The following STX11 variants were observed in gnomAD, a reference collection of about 807,000 sequenced individuals.
STX11 encodes syntaxin-11.
A neutral mutation model predicts 19.9 loss-of-function variants in STX11; 21 were observed. The observed-to-expected ratio is 1.06, with a 90% CI of 0.75 to 1.52. STX11 has a LOEUF of 1.52. Among genes scored for constraint, STX11 ranks in the 40% most tolerant of loss-of-function variants. The pLI, the probability that STX11 is intolerant of heterozygous loss-of-function variation, is 0.00. For missense variants in STX11, 438 were observed against 405.9 expected, an observed-to-expected ratio of 1.08 and a Z score of -0.68; for synonymous variants, 193 against 174.4, an observed-to-expected ratio of 1.11 and a Z score of -0.84.
rs1801979732 is a variant in STX11, at chr6:144,184,434, C to G, written c.-5-2189C>G. 2.0e-5 allele frequency among the ~76,000 whole-genome samples: 3 copies of G among 152,172 alleles called. No homozygotes were observed. Among genetic ancestry groups the G allele is most frequent in the Non-Finnish European group, 4.4e-5 (3 of 68,024 alleles). On this transcript the variant is annotated intron_variant, in intron 1 of 1. Transcript: ENST00000367568. The surrounding 1 kb of genome is among the most constrained non-coding windows in gnomAD (Gnocchi z 6.5). ...GAATTACCAGTATGTTTTGAGAGTT[C>G]CCAGAATCCTTACCCATTTGAAAAA...
At chr6:144,185,746 C>A (rs1802012638) in intron 1 of STX11, among the ~76,000 whole-genome samples, 1 of 152,190 alleles carries the variant, frequency 6.6e-6, no homozygotes, top group African/African-American at 2.4e-5. Context: ...CGATGCTTAT[C>A]ATTAGGGAAT....
At chr6:144,185,435 GAT>G (rs1475201534) in intron 1 of STX11, among the ~76,000 whole-genome samples, 1 of 152,170 alleles carries the variant, frequency 6.6e-6, no homozygotes, top group Non-Finnish European at 1.5e-5. Flanking sequence ...ATAAACACAA[GAT>G]ATTCCCTATA....
chr6:144,144,528 A>G, the STX11 span, among the ~76,000 whole-genome samples: 1 of 152,230 alleles, frequency 6.6e-6, no homozygotes, highest in African/African-American at 2.4e-5. Flanking sequence ...AGTGCTGTCC[A>G]ATATAGAAGC....
the STX11 span, among the ~76,000 whole-genome samples, chr6:144,142,415 T>C: frequency 6.6e-6 from 1 of 152,182 alleles, no homozygotes; most frequent in South Asian, 2.1e-4. Flanking sequence ...ATCACATATC[T>C]AGAAGTAATT....
rs1801022971 is a variant in STX11, at chr6:144,152,141, G to C, written c.-6+1438G>C. On this transcript the variant is annotated intron_variant, in intron 1 of 1. Coordinates refer to ENST00000367568, the MANE Select transcript of STX11 (RefSeq NM_003764.4). The surrounding 1 kb of genome is among the most constrained non-coding windows in gnomAD (Gnocchi z 4.9). ...ATATAACTCAATATGCTGGGTCCCA[G>C]TGTATTTAAAGAGTAGACTCAGCAG... 1.3e-5 allele frequency among the ~76,000 whole-genome samples: 2 copies of C among 152,152 alleles called. No homozygotes were observed. Among genetic ancestry groups the C allele is most frequent in the Non-Finnish European group, 2.9e-5 (2 of 68,040 alleles).
the STX11 span, among the ~76,000 whole-genome samples, chr6:144,141,551 T>C: frequency 2.0e-5 from 3 of 152,332 alleles, no homozygotes; most frequent in African/African-American, 4.8e-5. Context: ...TTCTTTTCTT[T>C]TTTTAGTATT....
At position 144,174,374 on chromosome 6, in the gene STX11, AT is replaced by A. The variant is rs988668508; in HGVS notation, c.-5-12245del. ...TTGTAGTAAGAAGATTTTTATTTTT[AT>A]TTTATTTTTATTTTGAGACAGGGTC... On this transcript the variant is annotated intron_variant, in intron 1 of 1. Transcript: ENST00000367568. This position sits in a 1 kb window ranked among gnomAD's most constrained non-coding sequence, Gnocchi z 5.3. Among the ~76,000 whole-genome samples, 3 of 151,962 alleles carry A rather than the reference AT, an allele frequency of 2.0e-5. No homozygotes were observed. Among genetic ancestry groups the A allele is most frequent in the African/African-American group, 7.2e-5 (3 of 41,400 alleles).
In STX11 at chr6:144,159,236, G is replaced by T. The variant is rs1801262951; in HGVS notation, c.-6+8533G>T. ...TGGAGTAAATGGTGCAGACACAACA[G>T]GTACAGCTCCTGACCCTATGAAGCT... On this transcript the variant is annotated intron_variant, in intron 1 of 1. Coordinates refer to ENST00000367568, the MANE Select transcript of STX11 (RefSeq NM_003764.4). This position sits in a 1 kb window ranked among gnomAD's most constrained non-coding sequence, Gnocchi z 4.3. Among the ~76,000 whole-genome samples the T allele has an allele frequency of 1.3e-5, 2 of 152,072 alleles. No homozygotes were observed. The highest frequency in any genetic ancestry group is 4.1e-4 in the South Asian group (2 of 4,822).
rs974090793 is a variant in STX11 at position 144,159,384 on chromosome 6, G to C, written c.-6+8681G>C. ...GAGCTGGAAACCCAGCCTAGTCTAA[G>C]GTCAGAGGAAGTGTCTCATTTTCCT... On this transcript the variant is annotated intron_variant, in intron 1 of 1. Transcript: ENST00000367568. This position sits in a 1 kb window ranked among gnomAD's most constrained non-coding sequence, Gnocchi z 4.3. Among the ~76,000 whole-genome samples, 5 of 152,180 alleles carry C rather than the reference G, an allele frequency of 3.3e-5. No homozygotes were observed. Among genetic ancestry groups the C allele is most frequent in the African/African-American group, 1.2e-4 (5 of 41,436 alleles).
intron 1 of STX11, among the ~76,000 whole-genome samples, chr6:144,161,276 A>G (rs1407260120): frequency 6.6e-6 from 1 of 152,214 alleles, no homozygotes; most frequent in East Asian, 1.9e-4. Flanking sequence ...AAGGAATCAA[A>G]ATTATAATAG....
rs963753178 is a variant in STX11 at position 144,177,342 on chromosome 6, A to G, written c.-5-9281A>G. Among the ~76,000 whole-genome samples the G allele has an allele frequency of 6.6e-6, 1 of 152,222 alleles. No homozygotes were observed. The highest frequency in any genetic ancestry group is 2.4e-5 in the African/African-American group (1 of 41,458). On this transcript the variant is annotated intron_variant, in intron 1 of 1. Coordinates refer to ENST00000367568, the MANE Select transcript of STX11 (RefSeq NM_003764.4). The surrounding 1 kb of genome is among the most constrained non-coding windows in gnomAD (Gnocchi z 4.4). The stretch of plus-strand genomic sequence containing the variant: ...AGGGAAATCAGATGTAAGAGTTACA[A>G]CAACTGTTTTAGTTTGTAAATACTA...
At position 144,155,499 on chromosome 6, in the gene STX11, C is replaced by T. The variant is rs1158718739; in HGVS notation, c.-6+4796C>T. Reference sequence around the variant, plus strand: ...GAAATGAGAGTGACATGAAGCCTCGCAGGGTAATAGAGCCCACATGTCTAC... The same window carrying T: ...GAAATGAGAGTGACATGAAGCCTCGTAGGGTAATAGAGCCCACATGTCTAC... On this transcript the variant is annotated intron_variant, in intron 1 of 1. Transcript: ENST00000367568. The surrounding 1 kb of genome is among the most constrained non-coding windows in gnomAD (Gnocchi z 4.5). Among the ~76,000 whole-genome samples the T allele has an allele frequency of 6.6e-6, 1 of 152,190 alleles. No individual in the cohort carries two copies. The highest frequency in any genetic ancestry group is 2.4e-5 in the African/African-American group (1 of 41,430).
chr6:144,145,365 C>G, the STX11 span, among the ~76,000 whole-genome samples: 1 of 152,108 alleles, frequency 6.6e-6, no homozygotes, highest in African/African-American at 2.4e-5. Context: ...TTCATTGAGG[C>G]AGAAAGTAAA....
intron 1 of STX11, among the ~76,000 whole-genome samples, chr6:144,156,150 C>T (rs546900673): frequency 6.7e-6 from 1 of 150,042 alleles, no homozygotes; most frequent in East Asian, 2.0e-4. Context: ...CCACAACCTC[C>T]ACCTCCCGGG....
rs986054907 is a variant in STX11, at chr6:144,165,764, A to G, written c.-6+15061A>G. Among the ~76,000 whole-genome samples the G allele has an allele frequency of 6.6e-6, 1 of 152,214 alleles. No homozygotes were observed. The highest frequency in any genetic ancestry group is 1.5e-5 in the Non-Finnish European group (1 of 68,036). On this transcript the variant is annotated intron_variant, in intron 1 of 1. Coordinates refer to ENST00000367568, the MANE Select transcript of STX11 (RefSeq NM_003764.4). This position sits in a 1 kb window ranked among gnomAD's most constrained non-coding sequence, Gnocchi z 5.8. ...ACTGATTATGGATGGTAGTAGTTCA[A>G]AATACTAACTCCTAAGACTGTGTTT...
rs1349179633 is a variant in STX11 at position 144,177,507 on chromosome 6, G to C, written c.-5-9116G>C. Among the ~76,000 whole-genome samples the C allele has an allele frequency of 6.6e-6, 1 of 152,226 alleles. No homozygotes were observed. Among genetic ancestry groups the C allele is most frequent in the African/African-American group, 2.4e-5 (1 of 41,448 alleles). On this transcript the variant is annotated intron_variant, in intron 1 of 1. Coordinates refer to ENST00000367568, the MANE Select transcript of STX11 (RefSeq NM_003764.4). This position sits in a 1 kb window ranked among gnomAD's most constrained non-coding sequence, Gnocchi z 4.4. ...CTCACGCCTGTAATCCCAGCACTTT[G>C]GGAGGCTGAGGCAGGCGGATCACAA...
At chr6:144,150,145 G>A (rs1240235144), upstream of STX11, among the ~76,000 whole-genome samples, 1 of 152,156 alleles carries the variant, frequency 6.6e-6, no homozygotes, top group Non-Finnish European at 1.5e-5. Context: ...GCTCAGAGAC[G>A]GCTTCCAGCG....
chr6:144,143,556 C>T, the STX11 span, among the ~76,000 whole-genome samples: 5 of 151,962 alleles, frequency 3.3e-5, no homozygotes, highest in Admixed American at 2.0e-4. Context: ...GGAATTGGGG[C>T]CTTTTGTTGA....
At position 144,187,276 on chromosome 6, in the gene STX11, C is replaced by T. The variant is rs768357175; in HGVS notation, c.649C>T (p.Leu217=). 4.3e-6 allele frequency: 7 copies of T among 1,613,284 alleles called. No homozygotes were observed. The highest frequency in any genetic ancestry group is 3.3e-5 in the South Asian group (3 of 91,088). ...IESRHRELLR[L]ESRIRDVHEL... is the part of the protein sequence containing the mutation. The stretch of plus-strand genomic sequence containing the variant: ...GAGCCGCCACCGCGAACTGCTGCGC[C>T]TGGAGAGCCGCATCCGCGACGTACA... The change falls in exon 2 of 2, where the codon CTG becomes TTG. Residue 217 remains leucine (L), a synonymous_variant. Transcript: ENST00000367568. The surrounding 1 kb of genome is among the most constrained non-coding windows in gnomAD (Gnocchi z 5.6).
Sources: gnomAD v4.1 joint callset for allele counts (sites outside exome capture counted in the v4.1 genomes callset) on GRCh38, gnomAD v4.1.1 for gene constraint, Gnocchi (gnomAD v3.1) non-coding constraint, MANE v1.5 for transcripts, NCBI Gene and HGNC (gene_info 2026-07-23, HGNC 2026-07-21) for gene names.